The following ANKRD36B variants were observed in gnomAD, a reference collection of about 807,000 sequenced individuals.
ANKRD36B encodes ankyrin repeat domain 36B.
In ANKRD36B, 37 loss-of-function variants were observed where a neutral mutation model predicts 135.7. The observed-to-expected ratio is 0.27, with a 90% CI of 0.21 to 0.36. The LOEUF (loss-of-function observed/expected upper bound fraction) is 0.36. Among genes scored for constraint, ANKRD36B ranks in the 10% least tolerant of loss-of-function variants. ANKRD36B has a pLI of 1.00. For missense variants in ANKRD36B, 549 were observed against 1,037.1 expected (o/e 0.53, Z 6.46); for synonymous variants, 179 against 348.1 (o/e 0.51, Z 5.41).
chr2:97,578,132 A>C (rs1486910184), intron 5 of ANKRD36B, among the ~76,000 whole-genome samples: 1 of 152,130 alleles, frequency 6.6e-6, no homozygotes, highest in African/African-American at 2.4e-5. Context: ...GAAAGTGTCA[A>C]TTTGCTCCGT....
Position 97,580,478 on chromosome 2 carries a change from T to A in ANKRD36B, c.541A>T (p.Ile181Phe). The A allele has an allele frequency of 1.3e-6, 2 of 1,547,120 alleles. No individual in the cohort carries two copies. Among genetic ancestry groups the A allele is most frequent in the Non-Finnish European group, 1.7e-6 (2 of 1,143,944 alleles). Residue 181 changes from isoleucine to phenylalanine, a missense_variant, in exon 4 of 44, where the codon ATT becomes TTT. Physicochemically the swap from Ile to Phe is conservative, Grantham distance 21. Coordinates refer to ENST00000359901, the MANE Select transcript of ANKRD36B (RefSeq NM_001393939.1). ...GGTCTGTACCTGCCAAGATAATCAA[T>A]GGCATTTACATTTGCTTTTTTCTTT... Reference protein sequence around the residue: ...LLKKKANVNAIDYLGRSALIL... With the variant: ...LLKKKANVNAFDYLGRSALIL...
chr2:97,529,237 G>A (rs1377988996), intron 35 of ANKRD36B, among the ~76,000 whole-genome samples: 1 of 95,198 alleles, frequency 1.1e-5, no homozygotes, highest in African/African-American at 3.2e-5. Flanking sequence ...TGGGATGCAA[G>A]GCTGGTTCAA....
intron 3 of ANKRD36B, among the ~76,000 whole-genome samples, chr2:97,582,287 A>G (rs2082682792): frequency 1.3e-5 from 2 of 152,168 alleles, no homozygotes; most frequent in South Asian, 4.1e-4. Flanking sequence ...TAAATTCAAA[A>G]GTTCAACCCG....
intron 6 of ANKRD36B, among the ~76,000 whole-genome samples, chr2:97,561,098 C>T (rs2104775817): frequency 6.6e-6 from 1 of 151,754 alleles, no homozygotes; most frequent in Admixed American, 6.6e-5. Flanking sequence ...ATGACTTTCT[C>T]CATATGTCTA....
At chr2:97,566,447 T>A (rs768229558) in intron 6 of ANKRD36B, among the ~76,000 whole-genome samples, 8 of 152,168 alleles carry the variant, frequency 5.3e-5, no homozygotes, top group Non-Finnish European at 1.2e-4. Context: ...AGAAACATAC[T>A]TGGAGGCTAT....
At chr2:97,534,575 A>C (rs2078764385) in intron 34 of ANKRD36B, among the ~76,000 whole-genome samples, 1 of 97,094 alleles carries the variant, frequency 1.0e-5, no homozygotes, top group African/African-American at 3.1e-5. Context: ...GTATACGGAA[A>C]GGTGCTCGAC....
chr2:97,589,170 ACCC>A (rs1455622166), intron 1 of ANKRD36B, among the ~76,000 whole-genome samples: 1 of 86,756 alleles, frequency 1.2e-5, no homozygotes, highest in African/African-American at 4.8e-5. Context: ...CCCACACCTC[ACCC>A]CCACCTCCAG....
At position 97,532,379 on chromosome 2, in the gene ANKRD36B, G is replaced by T. The variant is rs1478233515; in HGVS notation, c.2197C>A (p.Gln733Lys). Residue 733 changes from glutamine to lysine, a missense_variant, in exon 35 of 44, where the codon CAA becomes AAA. By Grantham distance (53) the Gln-to-Lys change is moderately conservative. Transcript: ENST00000359901. ...CCCTCTGATGCCATTTCTAAGTCTT[G>T]TTCTGCTAAAAAAATTATATATTTA... The part of the protein sequence containing the change: ...KEVQTSTPAE[Q>K]DLEMASEGEQ... The T allele has an allele frequency of 2.8e-6, 2 of 719,348 alleles. 1 individual carries two copies. Among genetic ancestry groups the T allele is most frequent in the African/African-American group, 3.9e-5 (2 of 50,830 alleles). The allele number at this position is 719,348 out of a possible 1,614,324, so 44.6% of individuals were successfully genotyped here. A position where few individuals can be genotyped will look rare whatever the true frequency, so the allele number is the denominator to read the frequency against.
chr2:97,576,286 T>C (rs55777246), intron 6 of ANKRD36B, 93 bp downstream of exon 6: 127,230 of 310,656 alleles, frequency 0.41, 32,353 homozygotes, highest in Non-Finnish European at 0.47. Context: ...TTTAAAGTGA[T>C]TTTTTTAAAC....
chr2:97,577,536 C>T (rs1346957754), intron 5 of ANKRD36B, among the ~76,000 whole-genome samples: 2 of 130,998 alleles, frequency 1.5e-5, no homozygotes, highest in African/African-American at 5.5e-5. Context: ...ATGACCTTCC[C>T]GTGACTGCAA....
intron 6 of ANKRD36B, among the ~76,000 whole-genome samples, chr2:97,569,345 T>A (rs2081663183): frequency 6.6e-6 from 1 of 152,194 alleles, no homozygotes; most frequent in Non-Finnish European, 1.5e-5. Flanking sequence ...ATGTTATCCT[T>A]AATATATGAC....
At chr2:97,522,010 T>C (rs2104373319) in intron 36 of ANKRD36B, among the ~76,000 whole-genome samples, 1 of 83,028 alleles carries the variant, frequency 1.2e-5, no homozygotes, top group Admixed American at 1.1e-4. Flanking sequence ...CCTCACTCCA[T>C]AGACAAAAGG....
At chr2:97,496,192 AC>A (rs1288129018) in intron 43 of ANKRD36B, among the ~76,000 whole-genome samples, 2 of 107,022 alleles carry the variant, frequency 1.9e-5, no homozygotes, top group Non-Finnish European at 5.3e-5. Context: ...CAAATGAGCC[AC>A]AACATTTCGC....
chr2:97,551,628 C>G, intron 16 of ANKRD36B, 148 bp from the exon 17 acceptor site: 1 of 1,367,462 alleles, frequency 7.3e-7, no homozygotes. Flanking sequence ...GGGATTAGAA[C>G]ATGACAGAAA....
chr2:97,559,224 G>C (rs2080805649), intron 8 of ANKRD36B, among the ~76,000 whole-genome samples: 1 of 151,710 alleles, frequency 6.6e-6, no homozygotes, highest in African/African-American at 2.4e-5. Flanking sequence ...TATGATTCGT[G>C]ATACATCTAA....
intron 6 of ANKRD36B, among the ~76,000 whole-genome samples, chr2:97,569,853 T>G (rs2081717037): frequency 6.6e-6 from 1 of 152,134 alleles, no homozygotes; most frequent in South Asian, 2.1e-4. Flanking sequence ...TCTCCAGAAT[T>G]ATAGTATATA....
At position 97,553,280 on chromosome 2, in the gene ANKRD36B, A is replaced by C. The variant is rs750504105; in HGVS notation, c.1201-40T>G. 123 of 1,598,108 alleles carry C rather than the reference A, an allele frequency of 7.7e-5. 1 individual carries two copies. The South Asian group carries it at 1.1e-3, about 14-fold the overall frequency. Reference sequence around the variant, plus strand: ...AAAGAAAATAATAAATAAATAAATAAATGAAGTATGTTTCATAGACTATAG... The same window carrying C: ...AAAGAAAATAATAAATAAATAAATACATGAAGTATGTTTCATAGACTATAG... On this transcript the variant is annotated intron_variant, in intron 15 of 43. Transcript: ENST00000359901.
At chr2:97,567,819 A>G (rs1278713277) in intron 6 of ANKRD36B, among the ~76,000 whole-genome samples, 3 of 152,178 alleles carry the variant, frequency 2.0e-5, no homozygotes, top group African/African-American at 7.2e-5. Flanking sequence ...ATCTGTACCT[A>G]ACATCCAACC....
chr2:97,541,688 A>G, intron 28 of ANKRD36B: 1 of 473,536 alleles, frequency 2.1e-6, no homozygotes, highest in South Asian at 1.6e-5. Flanking sequence ...TCCTATGGTT[A>G]TTCTTCCTAA....
Sources: allele counts gnomAD v4.1 joint callset (sites outside exome capture counted in the v4.1 genomes callset), GRCh38; gene constraint gnomAD v4.1.1; transcripts MANE v1.5; gene names NCBI Gene and HGNC (gene_info 2026-07-23, HGNC 2026-07-21).